ATG2A: variants seen among roughly 807,000 people sequenced by gnomAD.
ATG2A encodes autophagy related 2A.
A neutral mutation model predicts 214.2 loss-of-function variants in ATG2A; 103 were observed. The ratio of observed to expected loss-of-function variants is 0.48; its 90% CI spans 0.41 to 0.57. The LOEUF (loss-of-function observed/expected upper bound fraction) is 0.57, where lower values mean the gene tolerates loss of function less well. Among genes scored for constraint, ATG2A ranks in the 20% least tolerant of loss-of-function variants. ATG2A has a pLI of 0.00. For synonymous variants in ATG2A, 1,160 were observed against 1,142.1 expected (o/e 1.02, Z -0.32); for missense variants, 2,312 against 2,613.2 (o/e 0.88, Z 2.51).
chr11:64,905,477 G>A, intron 24 of ATG2A, 86 bp downstream of exon 24: 1 of 1,359,922 alleles, frequency 7.4e-7, no homozygotes, highest in Non-Finnish European at 1.0e-6. Context: ...TGTACATTAA[G>A]ACCGAGAGCA....
chr11:64,906,357 G>C lies in ATG2A; in HGVS notation c.3160C>G (p.Leu1054Val). 1 of 1,613,298 alleles carries C rather than the reference G, an allele frequency of 6.2e-7. No individual in the cohort carries two copies. The highest frequency in any genetic ancestry group is 1.3e-5 in the African/African-American group (1 of 75,066). The change falls in exon 21 of 41, where the codon CTG becomes GTG. Residue 1054 changes from leucine to valine, a missense_variant. Coordinates refer to ENST00000377264, the MANE Select transcript of ATG2A (RefSeq NM_015104.3). ...ACCTTCACATTCTTGTGGGGGTCCA[G>C]GTGGATGCGCACAGCAGTGGACAAC... is the stretch of plus-strand genomic sequence containing the variant. ...HMLSTAVRIH[L>V]DPHKNVKEFL...
chr11:64,910,543 A>C lies in ATG2A; in HGVS notation c.1707+73T>G. On this transcript the variant is annotated intron_variant, in intron 12 of 40. Transcript: ENST00000377264. Reference sequence around the variant, plus strand: ...GAGGGACAGGGCTGGGCAGCAGAGGAGGCCCTGGCAGAGGCCAGGGTGGGG... The same window carrying C: ...GAGGGACAGGGCTGGGCAGCAGAGGCGGCCCTGGCAGAGGCCAGGGTGGGG... 3.4e-6 allele frequency: 5 copies of C among 1,460,696 alleles called. No individual in the cohort carries two copies. The South Asian group carries it at 6.0e-5, about 18-fold the overall frequency. 90.5% of individuals were successfully genotyped at this position (1,460,696 alleles called of 1,614,324 possible). A position where few individuals can be genotyped will look rare whatever the true frequency, so the allele number is the denominator to read the frequency against.
intron 12 of ATG2A, 109 bp downstream of exon 12, chr11:64,910,507 G>T: frequency 7.7e-7 from 1 of 1,293,652 alleles, no homozygotes; most frequent in African/African-American, 1.5e-5. Context: ...GAGATGTGGA[G>T]CACAGGGGAA....
chr11:64,915,106 G>A (rs897264096), intron 1 of ATG2A, among the ~76,000 whole-genome samples: 11 of 149,698 alleles, frequency 7.3e-5, no homozygotes, highest in Non-Finnish European at 1.5e-4. Context: ...GTGTCCAAGA[G>A]AGGGGCTGAC....
chr11:64,897,796 G>A, intron 35 of ATG2A, 43 bp downstream of exon 35: 5 of 1,614,054 alleles, frequency 3.1e-6, no homozygotes, highest in Non-Finnish European at 4.2e-6. Context: ...CTGGCCCCCA[G>A]CAATCTGGCC....
In ATG2A at chr11:64,907,605, G is replaced by A. The variant is rs1255464332; in HGVS notation, c.2567C>T (p.Ala856Val). ...PADLLPTPDP[A>V]AQPSGFPGPS... ...GCCGGGGAAGCCCGAGGGCTGGGCG[G>A]CGGGGTCGGGGGTGGGAAGCAGATC... The change falls in exon 18 of 41, where the codon GCC (alanine) becomes GTC (valine). Residue 856 changes from alanine (A) to valine (V), a missense_variant. Coordinates refer to ENST00000377264, the MANE Select transcript of ATG2A (RefSeq NM_015104.3). The A allele has an allele frequency of 8.4e-6, 13 of 1,540,510 alleles. No individual in the cohort carries two copies. In the Admixed American group the frequency reaches 2.1e-4, roughly 25 times the overall value.
At chr11:64,915,442 T>C (rs567269140) in intron 1 of ATG2A, among the ~76,000 whole-genome samples, 66 of 152,134 alleles carry the variant, frequency 4.3e-4, no homozygotes, top group African/African-American at 1.5e-3. Flanking sequence ...AGTCACCCAG[T>C]ATACAACAGG....
chr11:64,895,287 C>T lies in ATG2A; in HGVS notation c.5580+3G>A, dbSNP rs762178399. The stretch of plus-strand genomic sequence containing the variant: ...GACTGGGGCAGGGCGGGGGCCTGGT[C>T]ACCTCTCGCACTGTGTCGTAGGCCT... On this transcript the variant is annotated splice_donor_region_variant and intron_variant, in intron 40 of 40. Coordinates refer to ENST00000377264, the MANE Select transcript of ATG2A (RefSeq NM_015104.3). This position sits in a 1 kb window ranked among gnomAD's most constrained non-coding sequence, Gnocchi z 5.0. 4 of 1,613,268 alleles carry T rather than the reference C, an allele frequency of 2.5e-6. No individual in the cohort carries two copies. The South Asian group carries it at 4.4e-5, about 18-fold the overall frequency.
At chr11:64,909,419 T>C (rs765233504) in intron 14 of ATG2A, 52 bp from the exon 15 acceptor site, 7 of 1,562,246 alleles carry the variant, frequency 4.5e-6, no homozygotes, top group Non-Finnish European at 6.2e-6. Context: ...TTTTCCTATT[T>C]CTTCCCCAAT....
In ATG2A at chr11:64,913,757, G is replaced by T; in HGVS notation, c.590+64C>A. 1.3e-6 allele frequency: 2 copies of T among 1,505,494 alleles called. No individual in the cohort carries two copies. Among genetic ancestry groups the T allele is most frequent in the Non-Finnish European group, 9.1e-7 (1 of 1,093,082 alleles). 93.3% of individuals were successfully genotyped at this position (1,505,494 alleles called of 1,614,324 possible). On this transcript the variant is annotated intron_variant, in intron 4 of 40. Coordinates refer to ENST00000377264, the MANE Select transcript of ATG2A (RefSeq NM_015104.3). The surrounding 1 kb of genome is among the most constrained non-coding windows in gnomAD (Gnocchi z 4.3). ...CCCAGGAACCTAGGCTGCGGGTGGG[G>T]ACCATCCAGCAGCCCCCACTCCCCA...
rs902537254 is a variant in ATG2A, at chr11:64,897,950, G to A, written c.4883C>T (p.Pro1628Leu). 6.4e-7 allele frequency: 1 copy of A among 1,550,796 alleles called. No homozygotes were observed. The highest frequency in any genetic ancestry group is 8.7e-7 in the Non-Finnish European group (1 of 1,151,092). Residue 1628 changes from proline (P) to leucine (L), a missense_variant, in exon 35 of 41, where the codon CCC becomes CTC. Transcript: ENST00000377264. Reference protein sequence around the residue: ...AEARPETRAQPSSPLEGQAEG... With the variant: ...AEARPETRAQLSSPLEGQAEG... ...GGCCTGCCCTTCCAGGGGGCTGCTGGGCTGGGCTCGAGTCTCGGGGCGAGC... is the reference window on the plus strand; with the variant it reads ...GGCCTGCCCTTCCAGGGGGCTGCTGAGCTGGGCTCGAGTCTCGGGGCGAGC...
chr11:64,895,461 C>G lies in ATG2A; in HGVS notation c.5428-19G>C. 6.5e-7 allele frequency: 1 copy of G among 1,540,898 alleles called. No homozygotes were observed. The highest frequency in any genetic ancestry group is 8.8e-7 in the Non-Finnish European group (1 of 1,140,952). On this transcript the variant is annotated intron_variant, in intron 39 of 40. Coordinates refer to ENST00000377264, the MANE Select transcript of ATG2A (RefSeq NM_015104.3). This position sits in a 1 kb window ranked among gnomAD's most constrained non-coding sequence, Gnocchi z 5.0. ...CTGTGGCCTGGGGGACATGGGAGCA[C>G]TGGATGAGGACAGCTGGCTGGGGCA...
intron 31 of ATG2A, among the ~76,000 whole-genome samples, chr11:64,899,882 A>C (rs1404152930): frequency 6.7e-6 from 1 of 150,170 alleles, no homozygotes; most frequent in Non-Finnish European, 1.5e-5. Flanking sequence ...TTTTTGAAAC[A>C]GAGTCTTACT....
chr11:64,907,703 G>A, intron 17 of ATG2A, 39 bp from the exon 18 acceptor site: 1 of 1,606,064 alleles, frequency 6.2e-7, no homozygotes. Flanking sequence ...GGGAGGCCAG[G>A]CCCACCCAGT....
At chr11:64,916,183 C>A (rs538417689) in intron 1 of ATG2A, among the ~76,000 whole-genome samples, 1 of 152,220 alleles carries the variant, frequency 6.6e-6, no homozygotes, top group Admixed American at 6.5e-5. Context: ...CAGCCTCAAG[C>A]CTCTGACCTT....
At position 64,907,838 on chromosome 11, in the gene ATG2A, A is replaced by C; in HGVS notation, c.2417T>G (p.Leu806Arg). The part of the protein sequence containing the change: ...EEMRTFQSRT[L>R]ALSRCSLEVI... ...TTCCAGGCTGCAGCGGGACAGTGCC[A>C]GGGTCCGGCTCTGGAACGTCCTCAT... The change falls in exon 17 of 41, where the codon CTG (leucine) becomes CGG (arginine). Residue 806 changes from leucine to arginine, a missense_variant. By Grantham distance (102) the Leu-to-Arg change is moderately radical. Coordinates refer to ENST00000377264, the MANE Select transcript of ATG2A (RefSeq NM_015104.3). 1 of 1,613,376 alleles carries C rather than the reference A, an allele frequency of 6.2e-7. No individual in the cohort carries two copies. The highest frequency in any genetic ancestry group is 8.5e-7 in the Non-Finnish European group (1 of 1,179,946).
chr11:64,915,455 C>T (rs1468755629), intron 1 of ATG2A, among the ~76,000 whole-genome samples: 2 of 152,154 alleles, frequency 1.3e-5, no homozygotes, highest in African/African-American at 4.8e-5. Context: ...ACAACAGGGA[C>T]TGAGACTGGG....
At position 64,903,477 on chromosome 11, in the gene ATG2A, G is replaced by C; in HGVS notation, c.3535+113C>G. On this transcript the variant is annotated intron_variant, in intron 25 of 40. Coordinates refer to ENST00000377264, the MANE Select transcript of ATG2A (RefSeq NM_015104.3). This position sits in a 1 kb window ranked among gnomAD's most constrained non-coding sequence, Gnocchi z 4.2. ...GTGTAGTCCCTGCTGTGCGGGCTAC[G>C]TGTGGGAGCTAAGGACCCGGCCAGC... 6.7e-7 allele frequency: 1 copy of C among 1,482,868 alleles called. No homozygotes were observed. Among genetic ancestry groups the C allele is most frequent in the Admixed American group, 1.9e-5 (1 of 51,340 alleles). The allele number at this position is 1,482,868 out of a possible 1,614,324, so 91.9% of individuals were successfully genotyped here.
intron 31 of ATG2A, among the ~76,000 whole-genome samples, 168 bp downstream of exon 31, chr11:64,900,326 C>T (rs1590627307): frequency 6.6e-6 from 1 of 152,122 alleles, no homozygotes; most frequent in South Asian, 2.1e-4. Flanking sequence ...CTCCCCTGAG[C>T]GCTCTTCACC....
Sources: gnomAD v4.1 joint callset for allele counts (sites outside exome capture counted in the v4.1 genomes callset) on GRCh38, gnomAD v4.1.1 for gene constraint, Gnocchi (gnomAD v3.1) non-coding constraint, MANE v1.5 for transcripts, NCBI Gene and HGNC (gene_info 2026-07-23, HGNC 2026-07-21) for gene names.